Variants in SMAP1 observed in about 807,000 individuals in gnomAD.
SMAP1 encodes stromal membrane-associated protein 1.
SMAP1 carries 24 observed loss-of-function variants against 58.5 expected under a neutral mutation model. The ratio of observed to expected loss-of-function variants is 0.41; its 90% CI spans 0.30 to 0.58. The LOEUF (loss-of-function observed/expected upper bound fraction) is 0.58, where lower values mean the gene tolerates loss of function less well. SMAP1 is among the 20% of genes least tolerant of loss of function. The pLI is 0.29. For missense variants in SMAP1, 563 were observed against 566.3 expected (o/e 0.99, Z 0.06); for synonymous variants, 216 against 196.6 (o/e 1.10, Z -0.82).
intron 7 of SMAP1, among the ~76,000 whole-genome samples, chr6:70,847,292 T>C (rs1582302701): frequency 2.0e-5 from 3 of 152,300 alleles, no homozygotes; most frequent in Admixed American, 2.0e-4. Context: ...TGATGTGAAG[T>C]GGGCCAGTGA....
At chr6:70,683,185 T>C (rs368408801) in intron 1 of SMAP1, among the ~76,000 whole-genome samples, 4,732 of 110,472 alleles carry the variant, frequency 0.043, 86 homozygotes, top group South Asian at 0.086. Context: ...TTTTTTTTTT[T>C]CTTGAGGCGG....
At chr6:70,839,906 C>A (rs1236522171) in intron 7 of SMAP1, among the ~76,000 whole-genome samples, 1 of 152,148 alleles carries the variant, frequency 6.6e-6, no homozygotes, top group African/African-American at 2.4e-5. Flanking sequence ...AGGTCTCTTT[C>A]AGCTCAAAAC....
At chr6:70,778,650 G>T (rs1332884311) in intron 4 of SMAP1, among the ~76,000 whole-genome samples, 6 of 152,236 alleles carry the variant, frequency 3.9e-5, no homozygotes, top group African/African-American at 1.2e-4. Flanking sequence ...CATGTGGGCG[G>T]TGGTGGCTGT....
chr6:70,788,248 G>A (rs368628426), intron 4 of SMAP1, among the ~76,000 whole-genome samples: 21 of 139,038 alleles, frequency 1.5e-4, no homozygotes, highest in Admixed American at 2.4e-4. Flanking sequence ...GGAATTGAAC[G>A]ATGAGAACAC....
intron 1 of SMAP1, among the ~76,000 whole-genome samples, chr6:70,686,824 A>G (rs1358362044): frequency 2.0e-5 from 3 of 152,224 alleles, no homozygotes; most frequent in Admixed American, 6.5e-5. Context: ...AAAAGTTGTC[A>G]TAAAACTAAA....
At chr6:70,682,170 A>ATTTTTTTTTTT (rs66981900) in intron 1 of SMAP1, among the ~76,000 whole-genome samples, 7 of 95,918 alleles carry the variant, frequency 7.3e-5, no homozygotes, top group Non-Finnish European at 9.9e-5. Context: ...CTCTGCACAG[A>ATTTTTTTTTTT]TTTTTTTTTT....
At chr6:70,744,315 C>G (rs1429429528) in intron 2 of SMAP1, among the ~76,000 whole-genome samples, 2 of 152,006 alleles carry the variant, frequency 1.3e-5, no homozygotes, top group Non-Finnish European at 2.9e-5. Flanking sequence ...CTAATGCTAA[C>G]CCTCCCCCAG....
chr6:70,854,623 G>GA (rs879856735), intron 8 of SMAP1, among the ~76,000 whole-genome samples: 109 of 142,196 alleles, frequency 7.7e-4, no homozygotes, highest in Admixed American at 1.5e-3. Flanking sequence ...ACTTCGTCTG[G>GA]AAAAAAAAAA....
intron 4 of SMAP1, among the ~76,000 whole-genome samples, chr6:70,788,996 C>T (rs941351898): frequency 6.6e-6 from 1 of 152,112 alleles, no homozygotes; most frequent in African/African-American, 2.4e-5. Flanking sequence ...AAAGAAGACT[C>T]GAGTACCTAG....
intron 2 of SMAP1, among the ~76,000 whole-genome samples, chr6:70,736,593 T>C (rs954633557): frequency 6.6e-6 from 1 of 152,236 alleles, no homozygotes; most frequent in East Asian, 1.9e-4. Flanking sequence ...AATATTAAGA[T>C]TAGTAGATGT....
In SMAP1 at chr6:70,736,112, GTA is replaced by G. The variant is rs550553726; in HGVS notation, c.252+3605_252+3606del. On this transcript the variant is annotated intron_variant, in intron 2 of 10. Coordinates refer to ENST00000370455, the MANE Select transcript of SMAP1 (RefSeq NM_001044305.3). The stretch of plus-strand genomic sequence containing the variant: ...TACCATATTTTTATCTGTTATTTAT[GTA>G]TATGTTATGTGTTTCAGTTTTTAGA... Among the ~76,000 whole-genome samples the G allele has an allele frequency of 2.4e-3, 360 of 152,076 alleles. 1 individual carries two copies. Among genetic ancestry groups the G allele is most frequent in the African/African-American group, 8.3e-3 (344 of 41,498 alleles).
intron 6 of SMAP1, among the ~76,000 whole-genome samples, chr6:70,820,104 G>A (rs1164709342): frequency 6.6e-6 from 1 of 152,148 alleles, no homozygotes; most frequent in African/African-American, 2.4e-5. Context: ...CTATAGGGAT[G>A]TGATTAAAGA....
intron 1 of SMAP1, among the ~76,000 whole-genome samples, chr6:70,670,017 G>A (rs1209443537): frequency 6.6e-6 from 1 of 151,412 alleles, no homozygotes; most frequent in Admixed American, 6.6e-5. Flanking sequence ...CTTAAATTAG[G>A]ATCAAAAGTT....
At chr6:70,691,391 A>G (rs1490391401) in intron 1 of SMAP1, among the ~76,000 whole-genome samples, 1 of 152,206 alleles carries the variant, frequency 6.6e-6, no homozygotes, top group Non-Finnish European at 1.5e-5. Context: ...AAAGCATAAT[A>G]GTCACATCAG....
At chr6:70,794,435 G>A (rs1205230334) in intron 5 of SMAP1, among the ~76,000 whole-genome samples, 1 of 151,974 alleles carries the variant, frequency 6.6e-6, no homozygotes, top group Non-Finnish European at 1.5e-5. Flanking sequence ...TTTTATTATT[G>A]TTATTATACT....
chr6:70,787,860 C>CACT (rs368878703), intron 4 of SMAP1, among the ~76,000 whole-genome samples: 10,907 of 151,498 alleles, frequency 0.072, 558 homozygotes, highest in Non-Finnish European at 0.11. Context: ...TGGGACTGTA[C>CACT]ACTAGTTCAA....
intron 1 of SMAP1, chr6:70,694,123 T>A: frequency 3.1e-6 from 1 of 324,872 alleles, no homozygotes. Context: ...TTGTGGTGGA[T>A]TTTCTGTTTA....
chr6:70,696,100 TTC>T (rs1767391742), intron 1 of SMAP1, among the ~76,000 whole-genome samples: 1 of 152,200 alleles, frequency 6.6e-6, no homozygotes, highest in Non-Finnish European at 1.5e-5. Context: ...TGGTTTGAAT[TTC>T]TGCAGTATTG....
chr6:70,791,443 T>C (rs1169312790), intron 4 of SMAP1, among the ~76,000 whole-genome samples: 3 of 152,294 alleles, frequency 2.0e-5, no homozygotes, highest in African/African-American at 7.2e-5. Context: ...ACATTTTAAA[T>C]TTTATATCCT....
Sources: gnomAD v4.1 joint callset for allele counts (sites outside exome capture counted in the v4.1 genomes callset) on GRCh38, gnomAD v4.1.1 for gene constraint, MANE v1.5 for transcripts, NCBI Gene and HGNC (gene_info 2026-07-23, HGNC 2026-07-21) for gene names.